DCC: variants seen among roughly 807,000 people sequenced by gnomAD.
DCC encodes the protein DCC netrin 1 receptor, also known as netrin receptor DCC.
Under a neutral mutation model 172.5 loss-of-function variants are expected in DCC, and 58 were observed. The observed-to-expected ratio is 0.34, with a 90% CI of 0.27 to 0.42. The LOEUF (loss-of-function observed/expected upper bound fraction) is 0.42. Ranked by LOEUF, DCC falls within the 10% of genes least tolerant of loss-of-function variation. DCC has a pLI of 1.00. For synonymous variants in DCC, 709 were observed against 644.5 expected (o/e 1.10, Z -1.52); for missense variants, 1,740 against 1,791.0 (o/e 0.97, Z 0.51).
intron 1 of DCC, among the ~76,000 whole-genome samples, chr18:52,388,266 G>T (rs1568145527): frequency 6.6e-6 from 1 of 151,882 alleles, no homozygotes; most frequent in African/African-American, 2.4e-5. Context: ...AGAAGACATT[G>T]GAAAAGAGGA....
chr18:53,324,856 T>C (rs2057450146), intron 14 of DCC, among the ~76,000 whole-genome samples: 1 of 152,166 alleles, frequency 6.6e-6, no homozygotes, highest in African/African-American at 2.4e-5. Context: ...GTATACATTA[T>C]TAGCCTTATT....
intron 12 of DCC, among the ~76,000 whole-genome samples, chr18:53,227,389 C>A (rs2056050370): frequency 6.6e-6 from 1 of 152,168 alleles, no homozygotes. Flanking sequence ...TAACACTCAA[C>A]AATGAAACCC....
intron 1 of DCC, among the ~76,000 whole-genome samples, chr18:52,580,342 C>T (rs2144775751): frequency 6.6e-6 from 1 of 152,276 alleles, no homozygotes; most frequent in South Asian, 2.1e-4. Context: ...ACTGCAGCCT[C>T]GAACTCACAA....
intron 1 of DCC, among the ~76,000 whole-genome samples, chr18:52,547,296 C>T (rs531609917): frequency 9.2e-5 from 14 of 152,096 alleles, no homozygotes; most frequent in African/African-American, 3.1e-4. Context: ...ATCTTAAAAG[C>T]GAAAATGTTG....
intron 1 of DCC, among the ~76,000 whole-genome samples, chr18:52,659,434 C>G (rs2035316067): frequency 6.6e-6 from 1 of 152,108 alleles, no homozygotes; most frequent in African/African-American, 2.4e-5. Context: ...ATCTCTTAAC[C>G]CAACGATAAT....
chr18:53,380,231 G>T (rs914259894), intron 15 of DCC, among the ~76,000 whole-genome samples: 1 of 152,128 alleles, frequency 6.6e-6, no homozygotes. Context: ...TAAGAGCTCT[G>T]AGCATGTGCA....
At chr18:52,873,482 T>C (rs1047643344) in intron 2 of DCC, among the ~76,000 whole-genome samples, 1 of 152,252 alleles carries the variant, frequency 6.6e-6, no homozygotes, top group African/African-American at 2.4e-5. Flanking sequence ...ACTTGGATTA[T>C]AGCTTTAGCA....
intron 1 of DCC, among the ~76,000 whole-genome samples, chr18:52,513,288 T>G (rs1313897647): frequency 6.6e-6 from 1 of 152,184 alleles, no homozygotes; most frequent in Non-Finnish European, 1.5e-5. Context: ...TTCTAAACCA[T>G]GAGACACGAC....
chr18:53,071,571 A>G (rs2042651734), intron 7 of DCC, among the ~76,000 whole-genome samples: 1 of 152,280 alleles, frequency 6.6e-6, no homozygotes, highest in Admixed American at 6.5e-5. Context: ...CACACATGAG[A>G]CTTTGCATAT....
At chr18:53,526,170 T>G (rs1280106568) in intron 27 of DCC, among the ~76,000 whole-genome samples, 1 of 152,186 alleles carries the variant, frequency 6.6e-6, no homozygotes, top group Non-Finnish European at 1.5e-5. Flanking sequence ...TAACGTCTTA[T>G]GCTCATTTGT....
intron 2 of DCC, among the ~76,000 whole-genome samples, chr18:52,873,600 T>C (rs2039356865): frequency 6.6e-6 from 1 of 152,156 alleles, no homozygotes; most frequent in African/African-American, 2.4e-5. Context: ...ATATATAGTA[T>C]TTATAGAACG....
chr18:52,411,953 A>C (rs1986858279), intron 1 of DCC, among the ~76,000 whole-genome samples: 1 of 152,088 alleles, frequency 6.6e-6, no homozygotes, highest in Non-Finnish European at 1.5e-5. Flanking sequence ...AAAGTGCCTC[A>C]TTAGCTTGGA....
At chr18:52,983,021 C>T (rs2145607436) in intron 5 of DCC, among the ~76,000 whole-genome samples, 1 of 152,256 alleles carries the variant, frequency 6.6e-6, no homozygotes, top group Middle Eastern at 3.4e-3. Context: ...ATCTGTTTTC[C>T]CCATTTCTAT....
intron 1 of DCC, among the ~76,000 whole-genome samples, chr18:52,598,506 A>G (rs2033952643): frequency 6.6e-6 from 1 of 152,202 alleles, no homozygotes; most frequent in South Asian, 2.1e-4. Flanking sequence ...GCTTTTCTAT[A>G]GACAGCAAAG....
intron 9 of DCC, among the ~76,000 whole-genome samples, chr18:53,194,373 G>A (rs748528291): frequency 1.6e-4 from 24 of 152,038 alleles, no homozygotes; most frequent in African/African-American, 5.1e-4. Context: ...CATTTATATC[G>A]GTGATGTCAC....
At chr18:52,856,869 C>T (rs2039064994) in intron 2 of DCC, among the ~76,000 whole-genome samples, 1 of 152,028 alleles carries the variant, frequency 6.6e-6, no homozygotes, top group Non-Finnish European at 1.5e-5. Flanking sequence ...CCTCCTTGGC[C>T]CACAAATTAG....
intron 7 of DCC, among the ~76,000 whole-genome samples, chr18:53,098,317 G>T (rs752889203): frequency 2.6e-5 from 4 of 151,982 alleles, no homozygotes; most frequent in Non-Finnish European, 5.9e-5. Context: ...ACCTTACTAA[G>T]ATTTTGCCGA....
intron 12 of DCC, among the ~76,000 whole-genome samples, chr18:53,285,414 G>A (rs1056337744): frequency 5.9e-5 from 9 of 152,216 alleles, no homozygotes; most frequent in African/African-American, 2.2e-4. Flanking sequence ...CCAGAGGGCA[G>A]AAGCCCCAAA....
chr18:52,668,998 G>A (rs897832161), intron 1 of DCC, among the ~76,000 whole-genome samples: 3 of 152,210 alleles, frequency 2.0e-5, no homozygotes, highest in Non-Finnish European at 4.4e-5. Context: ...AGAGCTGGCC[G>A]CACTGGAGAC....
Sources: gnomAD v4.1 joint callset for allele counts (sites outside exome capture counted in the v4.1 genomes callset) on GRCh38, gnomAD v4.1.1 for gene constraint, MANE v1.5 for transcripts, NCBI Gene and HGNC (gene_info 2026-07-23, HGNC 2026-07-21) for gene names.